FAM81B: variants seen among roughly 807,000 people sequenced by gnomAD.
FAM81B encodes the protein protein FAM81B.
In FAM81B, 60 loss-of-function variants were observed where a neutral mutation model predicts 58.7. That is an observed-to-expected ratio of 1.02 (90% CI 0.83 to 1.27). The LOEUF is 1.27. FAM81B is among the 50% of genes most tolerant of loss of function. The pLI is 0.00. For synonymous variants in FAM81B, 189 were observed against 179.6 expected (o/e 1.05, Z -0.42); for missense variants, 491 against 522.0 (o/e 0.94, Z 0.58).
At chr5:95,418,604 A>G (rs1174916031) in intron 4 of FAM81B, among the ~76,000 whole-genome samples, 1 of 152,208 alleles carries the variant, frequency 6.6e-6, no homozygotes, top group African/African-American at 2.4e-5. Context: ...ACTGATAAAT[A>G]ACTTTATCAT....
In FAM81B at chr5:95,433,261, G is replaced by A. The variant is rs189864949; in HGVS notation, c.787-3539G>A. 3.1e-4 allele frequency among the ~76,000 whole-genome samples: 47 copies of A among 151,978 alleles called. 1 individual carries two copies. In the East Asian group the frequency reaches 8.9e-3, roughly 29 times the overall value. ...CTCACAGTCATGGTGAAAGGTGAAGGGTAGCAAAGGCATGTTTTACATGGT... is the reference window on the plus strand; with the variant it reads ...CTCACAGTCATGGTGAAAGGTGAAGAGTAGCAAAGGCATGTTTTACATGGT... On this transcript the variant is annotated intron_variant, in intron 6 of 9. Transcript: ENST00000283357.
At chr5:95,428,186 G>A (rs1762899276) in intron 5 of FAM81B, among the ~76,000 whole-genome samples, 1 of 152,186 alleles carries the variant, frequency 6.6e-6, no homozygotes, top group Admixed American at 6.5e-5. Flanking sequence ...AAGAAAAGAG[G>A]ATAAAGAGAG....
intron 3 of FAM81B, among the ~76,000 whole-genome samples, chr5:95,412,096 C>T (rs1762420458): frequency 6.6e-6 from 1 of 151,706 alleles, no homozygotes; most frequent in South Asian, 2.1e-4. Context: ...TAGAGCTGGC[C>T]AACATTCACA....
In FAM81B at chr5:95,420,364, C is replaced by T. The variant is rs760066209; in HGVS notation, c.618C>T (p.His206=). 6.2e-7 allele frequency: 1 copy of T among 1,613,834 alleles called. No individual in the cohort carries two copies. Among genetic ancestry groups the T allele is most frequent in the East Asian group, 2.2e-5 (1 of 44,876 alleles). ...CAGTACACGAGATAAACATCAAACA[C>T]CTACAAGGAGTTGGAGATCTTCGAG... ...NFAVHEINIK[H]LQGVGDLRGR... The change falls in exon 5 of 10, where the codon CAC becomes CAT. Residue 206 remains histidine, a synonymous_variant. Transcript: ENST00000283357.
intron 2 of FAM81B, among the ~76,000 whole-genome samples, chr5:95,394,730 TC>T (rs1017592574): frequency 1.3e-5 from 2 of 152,132 alleles, no homozygotes; most frequent in African/African-American, 4.8e-5. Flanking sequence ...GTTCACAGGC[TC>T]CCTCGTGAGC....
At chr5:95,424,076 T>C (rs1762760447) in intron 5 of FAM81B, 1 of 1,289,762 alleles carries the variant, frequency 7.8e-7, no homozygotes, top group Non-Finnish European at 1.0e-6. Context: ...CGCTTATACC[T>C]GAGAGAAACT....
chr5:95,411,061 T>C (rs1762391628), intron 3 of FAM81B, among the ~76,000 whole-genome samples: 1 of 152,202 alleles, frequency 6.6e-6, no homozygotes. Context: ...CACTCAGTTA[T>C]ATAGATTTGA....
intron 7 of FAM81B, among the ~76,000 whole-genome samples, chr5:95,444,025 C>G (rs948474239): frequency 6.6e-6 from 1 of 152,152 alleles, no homozygotes; most frequent in East Asian, 1.9e-4. Context: ...TCTTGATTAT[C>G]TGGGGATTTA....
intron 7 of FAM81B, chr5:95,440,083 C>T: frequency 2.0e-6 from 1 of 501,044 alleles, no homozygotes; most frequent in Non-Finnish European, 3.9e-6. Context: ...GAAAATTAGA[C>T]ACTACAAGAT....
chr5:95,414,922 T>C (rs1762498850), intron 4 of FAM81B, among the ~76,000 whole-genome samples: 1 of 152,142 alleles, frequency 6.6e-6, no homozygotes, highest in Admixed American at 6.5e-5. Context: ...GTTTGTTTTC[T>C]CTTTCTAAGA....
At chr5:95,442,933 T>C (rs951705700) in intron 7 of FAM81B, among the ~76,000 whole-genome samples, 1 of 152,136 alleles carries the variant, frequency 6.6e-6, no homozygotes, top group African/African-American at 2.4e-5. Context: ...AAAATGAAAA[T>C]ATCTTCTGTT....
At chr5:95,425,635 T>A (rs928076966) in intron 5 of FAM81B, among the ~76,000 whole-genome samples, 10 of 152,112 alleles carry the variant, frequency 6.6e-5, no homozygotes, top group African/African-American at 2.2e-4. Flanking sequence ...AGAAAAGAAA[T>A]CATGGTTTGA....
rs373286610 is a variant in FAM81B at position 95,450,224 on chromosome 5, A to G, written c.1301A>G (p.Lys434Arg). ...QKTKMDLEKY[K>R]VQKDLKKLQR... ...ACAAAGATGGATTTAGAGAAATATA[A>G]AGTACAGAAAGACCTAAAGAAATTA... The change falls in exon 10 of 10, where the codon AAA becomes AGA. Residue 434 changes from lysine (K) to arginine (R), a missense_variant. By Grantham distance (26) the Lys-to-Arg change is conservative. Transcript: ENST00000283357. 6.2e-7 allele frequency: 1 copy of G among 1,613,382 alleles called. No homozygotes were observed. The highest frequency in any genetic ancestry group is 8.5e-7 in the Non-Finnish European group (1 of 1,179,618).
At chr5:95,393,220 C>T (rs971942383) in intron 2 of FAM81B, among the ~76,000 whole-genome samples, 17 of 152,042 alleles carry the variant, frequency 1.1e-4, no homozygotes, top group Admixed American at 1.1e-3. Context: ...ACATGAAAAC[C>T]GGTATAGCTA....
chr5:95,395,577 C>T (rs1761945705), intron 2 of FAM81B, among the ~76,000 whole-genome samples: 1 of 151,922 alleles, frequency 6.6e-6, no homozygotes, highest in Non-Finnish European at 1.5e-5. Flanking sequence ...TCTAGTAGTA[C>T]CATTTTATTG....
chr5:95,426,387 A>T (rs906038784), intron 5 of FAM81B, among the ~76,000 whole-genome samples: 5 of 152,130 alleles, frequency 3.3e-5, no homozygotes, highest in Non-Finnish European at 5.9e-5. Flanking sequence ...TGACTTCAAC[A>T]TGTGGGATTA....
At chr5:95,443,441 G>T (rs1451701552) in intron 7 of FAM81B, among the ~76,000 whole-genome samples, 2 of 152,102 alleles carry the variant, frequency 1.3e-5, no homozygotes, top group Non-Finnish European at 2.9e-5. Context: ...GAAAAGGAAA[G>T]AATAAGCTCT....
chr5:95,406,651 C>T (rs932124213), intron 3 of FAM81B, among the ~76,000 whole-genome samples: 9 of 152,242 alleles, frequency 5.9e-5, no homozygotes, highest in Middle Eastern at 3.4e-3. Context: ...TGGCACATCA[C>T]GGCATCCACA....
At chr5:95,411,979 C>T (rs912332048) in intron 3 of FAM81B, among the ~76,000 whole-genome samples, 2 of 152,090 alleles carry the variant, frequency 1.3e-5, no homozygotes, top group African/African-American at 4.8e-5. Flanking sequence ...GTAATAATAA[C>T]AATGCTGACA....
Sources: gnomAD v4.1 joint callset for allele counts (sites outside exome capture counted in the v4.1 genomes callset) on GRCh38, gnomAD v4.1.1 for gene constraint, MANE v1.5 for transcripts, NCBI Gene and HGNC (gene_info 2026-07-23, HGNC 2026-07-21) for gene names.